Variants in SLC24A2 observed in about 807,000 individuals in gnomAD.
SLC24A2 encodes the protein sodium/potassium/calcium exchanger 2.
SLC24A2 carries 36 observed loss-of-function variants against 62.0 expected under a neutral mutation model. That is an observed-to-expected ratio of 0.58 (90% CI 0.44 to 0.77). SLC24A2 has a LOEUF of 0.77. Among genes scored for constraint, SLC24A2 ranks in the 30% least tolerant of loss-of-function variants. The probability of loss-of-function intolerance (pLI) is 0.00; values close to 1 mark genes in which losing one functional copy is unlikely to be tolerated. For synonymous variants in SLC24A2, 358 were observed against 294.0 expected (o/e 1.22, Z -2.23); for missense variants, 846 against 817.9 (o/e 1.03, Z -0.42).
chr9:19,881,421 A>G, the SLC24A2 span, among the ~76,000 whole-genome samples: 2 of 152,326 alleles, frequency 1.3e-5, no homozygotes, highest in East Asian at 1.9e-4. Context: ...CTTAGGCTAC[A>G]TAGAGATTTT....
the SLC24A2 span, among the ~76,000 whole-genome samples, chr9:20,181,566 G>A: frequency 6.6e-6 from 1 of 152,166 alleles, no homozygotes; most frequent in Non-Finnish European, 1.5e-5. Context: ...ATGGTGCTGG[G>A]AAAATTGGCT....
chr9:19,613,840 G>T (rs1232845432), intron 4 of SLC24A2, among the ~76,000 whole-genome samples: 1 of 152,142 alleles, frequency 6.6e-6, no homozygotes, highest in Non-Finnish European at 1.5e-5. Flanking sequence ...GCAGATACAG[G>T]TTCAAATTCT....
the SLC24A2 span, among the ~76,000 whole-genome samples, chr9:19,825,634 A>T: frequency 6.6e-6 from 1 of 152,136 alleles, no homozygotes; most frequent in African/African-American, 2.4e-5. Flanking sequence ...TCATTCTGGG[A>T]TGTAGGGTCT....
At chr9:19,578,400 G>C (rs987278441) in intron 5 of SLC24A2, among the ~76,000 whole-genome samples, 4 of 147,320 alleles carry the variant, frequency 2.7e-5, no homozygotes, top group African/African-American at 1.0e-4. Flanking sequence ...CAGAGATTAG[G>C]GAAACAGCAC....
rs534917683 is a variant in SLC24A2, at chr9:19,647,522, CCAGAA to C, written c.931-25228_931-25224del. Among the ~76,000 whole-genome samples the C allele has an allele frequency of 4.8e-3, 735 of 152,264 alleles. 4 individuals carry two copies. The highest frequency in any genetic ancestry group is 0.017 in the African/African-American group (697 of 41,536). ...CACAAGGTACAGCAGCAAGCATTGC[CCAGAA>C]CATGGCTACTGGCTTAGCAATGCCA... On this transcript the variant is annotated intron_variant, in intron 2 of 10. Coordinates refer to ENST00000341998, the MANE Select transcript of SLC24A2 (RefSeq NM_020344.4).
chr9:19,541,444 G>A (rs948581369), intron 8 of SLC24A2, among the ~76,000 whole-genome samples: 1 of 151,992 alleles, frequency 6.6e-6, no homozygotes, highest in African/African-American at 2.4e-5. Context: ...GTCAGCTGCA[G>A]GTCTGTTGGA....
At chr9:20,099,107 G>A in the SLC24A2 span, among the ~76,000 whole-genome samples, 1 of 152,318 alleles carries the variant, frequency 6.6e-6, no homozygotes, top group African/African-American at 2.4e-5. Context: ...GTCACTGGAG[G>A]AAACTAGACA....
chr9:20,122,250 G>T, the SLC24A2 span, among the ~76,000 whole-genome samples: 1 of 152,184 alleles, frequency 6.6e-6, no homozygotes, highest in Non-Finnish European at 1.5e-5. Flanking sequence ...TGTCTACTAA[G>T]CCCGCCCTTG....
chr9:19,689,856 TG>T (rs1819991880), intron 2 of SLC24A2, among the ~76,000 whole-genome samples: 1 of 152,058 alleles, frequency 6.6e-6, no homozygotes, highest in Non-Finnish European at 1.5e-5. Context: ...TCTGTAAGGG[TG>T]TTTCTGCAAG....
the SLC24A2 span, among the ~76,000 whole-genome samples, chr9:19,980,745 G>C: frequency 6.6e-6 from 1 of 152,100 alleles, no homozygotes; most frequent in Non-Finnish European, 1.5e-5. Flanking sequence ...GCTCAAACAG[G>C]ATTAAGCAGA....
chr9:20,093,319 G>A, the SLC24A2 span, among the ~76,000 whole-genome samples: 1 of 151,878 alleles, frequency 6.6e-6, no homozygotes, highest in Non-Finnish European at 1.5e-5. Context: ...TGATCCACCC[G>A]CCTCGGCCTC....
At chr9:19,790,467 T>C (rs2118962458), upstream of SLC24A2, among the ~76,000 whole-genome samples, 1 of 150,282 alleles carries the variant, frequency 6.7e-6, no homozygotes. Context: ...CCACTAGGGT[T>C]GTGTCAAGAA....
the SLC24A2 span, among the ~76,000 whole-genome samples, chr9:19,869,783 G>A: frequency 2.6e-5 from 4 of 152,036 alleles, no homozygotes; most frequent in Non-Finnish European, 5.9e-5. Context: ...TTCTTAAAAA[G>A]TTAAAATAAA....
intron 2 of SLC24A2, among the ~76,000 whole-genome samples, chr9:19,681,319 G>T (rs2118393938): frequency 6.6e-6 from 1 of 152,216 alleles, no homozygotes; most frequent in Non-Finnish European, 1.5e-5. Flanking sequence ...TTCTCAGGAA[G>T]GCTTTCTCCG....
At chr9:19,696,851 A>G (rs183950336) in intron 2 of SLC24A2, among the ~76,000 whole-genome samples, 3 of 152,246 alleles carry the variant, frequency 2.0e-5, no homozygotes, top group Admixed American at 2.0e-4. Context: ...CAAATATATA[A>G]TTTAAATTTA....
At chr9:20,207,437 T>TAGA in the SLC24A2 span, among the ~76,000 whole-genome samples, 993 of 152,322 alleles carry the variant, frequency 6.5e-3, 9 homozygotes, top group East Asian at 0.024. Context: ...ACTCACACAC[T>TAGA]CTATACAGGT....
At chr9:20,297,519 T>A in the SLC24A2 span, among the ~76,000 whole-genome samples, 2 of 152,110 alleles carry the variant, frequency 1.3e-5, no homozygotes, top group Non-Finnish European at 1.5e-5. Context: ...GAGGAAAGGG[T>A]CTCACTCTGA....
chr9:19,912,448 T>C, the SLC24A2 span, among the ~76,000 whole-genome samples: 5 of 152,136 alleles, frequency 3.3e-5, no homozygotes, highest in African/African-American at 9.7e-5. Flanking sequence ...CAGTAATTTG[T>C]CAAGTTATTG....
chr9:19,991,055 TAC>T, the SLC24A2 span, among the ~76,000 whole-genome samples: 38 of 150,552 alleles, frequency 2.5e-4, no homozygotes. Flanking sequence ...CATACATACA[TAC>T]ATACATACAT....
Sources: gnomAD v4.1 joint callset for allele counts (sites outside exome capture counted in the v4.1 genomes callset) on GRCh38, gnomAD v4.1.1 for gene constraint, MANE v1.5 for transcripts, NCBI Gene and HGNC (gene_info 2026-07-23, HGNC 2026-07-21) for gene names.